The following AGBL4 variants were observed in gnomAD, a reference collection of about 807,000 sequenced individuals.
The protein encoded by AGBL4 is AGBL carboxypeptidase 4, also known as cytosolic carboxypeptidase 6.
In AGBL4, 58 loss-of-function variants were observed where a neutral mutation model predicts 66.4. That is an observed-to-expected ratio of 0.87 (90% CI 0.71 to 1.09). The LOEUF (loss-of-function observed/expected upper bound fraction) is 1.09. AGBL4 is among the 50% of genes least tolerant of loss of function. The pLI is 0.00. For synonymous variants in AGBL4, 234 were observed against 222.9 expected (o/e 1.05, Z -0.44); for missense variants, 579 against 631.0 (o/e 0.92, Z 0.88).
intron 6 of AGBL4, among the ~76,000 whole-genome samples, chr1:48,728,219 T>C (rs973103485): frequency 3.3e-5 from 5 of 152,218 alleles, no homozygotes; most frequent in African/African-American, 1.2e-4. Flanking sequence ...AGAGCAGATA[T>C]ACACTGTAAA....
intron 1 of AGBL4, among the ~76,000 whole-genome samples, chr1:49,853,006 A>G (rs977355313): frequency 6.6e-6 from 1 of 152,216 alleles, no homozygotes; most frequent in Non-Finnish European, 1.5e-5. Flanking sequence ...AGAGATATCC[A>G]TTTATAGTAA....
At chr1:49,283,519 G>C (rs907982124) in intron 3 of AGBL4, among the ~76,000 whole-genome samples, 24 of 152,364 alleles carry the variant, frequency 1.6e-4, no homozygotes, top group Admixed American at 1.4e-3. Context: ...GCTGGATGGA[G>C]AATGACTTTG....
intron 3 of AGBL4, among the ~76,000 whole-genome samples, chr1:49,407,050 G>C (rs1461674970): frequency 8.3e-6 from 1 of 119,792 alleles, no homozygotes; most frequent in African/African-American, 3.2e-5. Flanking sequence ...GGGCGACAGA[G>C]TGAGACTCTG....
chr1:48,523,605 G>T, the AGBL4 span, among the ~76,000 whole-genome samples: 1,539 of 152,268 alleles, frequency 0.01, 24 homozygotes, highest in African/African-American at 0.035. Context: ...ACTTAGAAAA[G>T]AATGAATTAA....
chr1:49,880,935 G>C (rs532362990), intron 1 of AGBL4, among the ~76,000 whole-genome samples: 6 of 152,180 alleles, frequency 3.9e-5, no homozygotes, highest in Admixed American at 6.5e-5. Flanking sequence ...AGGTGCGTCC[G>C]TCACCCCTTT....
chr1:49,269,775 G>T (rs1264536410), intron 3 of AGBL4, among the ~76,000 whole-genome samples: 1 of 152,204 alleles, frequency 6.6e-6, no homozygotes, highest in Non-Finnish European at 1.5e-5. Context: ...ATCCTTTTGT[G>T]ATTTTTCCTC....
intron 5 of AGBL4, among the ~76,000 whole-genome samples, chr1:48,960,202 A>T (rs995178088): frequency 6.6e-6 from 1 of 152,166 alleles, no homozygotes; most frequent in Non-Finnish European, 1.5e-5. Flanking sequence ...TCATAGAACC[A>T]ATAAGATATT....
chr1:49,519,508 A>G (rs1390185615), intron 3 of AGBL4, among the ~76,000 whole-genome samples: 1 of 152,098 alleles, frequency 6.6e-6, no homozygotes, highest in Admixed American at 6.5e-5. Flanking sequence ...AACAGAGGCC[A>G]AAACACATTA....
At chr1:49,536,723 G>A (rs549539409) in intron 3 of AGBL4, among the ~76,000 whole-genome samples, 1 of 152,224 alleles carries the variant, frequency 6.6e-6, no homozygotes, top group East Asian at 1.9e-4. Context: ...TAATGAAACA[G>A]AATAGAGAAC....
At chr1:48,805,293 G>A (rs1196411352) in intron 6 of AGBL4, among the ~76,000 whole-genome samples, 2 of 152,152 alleles carry the variant, frequency 1.3e-5, no homozygotes, top group East Asian at 3.8e-4. Context: ...CCATCAAAAG[G>A]AATATTTGGG....
intron 4 of AGBL4, among the ~76,000 whole-genome samples, chr1:49,057,445 T>C (rs1467014469): frequency 6.6e-6 from 1 of 152,070 alleles, no homozygotes; most frequent in African/African-American, 2.4e-5. Context: ...AAAAAAAGCT[T>C]AATTGGATCA....
chr1:49,773,638 G>T (rs529807915), intron 2 of AGBL4, among the ~76,000 whole-genome samples: 1 of 152,176 alleles, frequency 6.6e-6, no homozygotes, highest in African/African-American at 2.4e-5. Context: ...TGTTGGCCAG[G>T]CACATGGGGG....
intron 3 of AGBL4, among the ~76,000 whole-genome samples, chr1:49,552,728 T>C (rs1466140720): frequency 6.6e-6 from 1 of 152,200 alleles, no homozygotes; most frequent in Non-Finnish European, 1.5e-5. Context: ...TGCTGGTTTG[T>C]TCTTACAGTC....
At chr1:48,989,016 C>G (rs1432343309) in intron 5 of AGBL4, among the ~76,000 whole-genome samples, 1 of 152,138 alleles carries the variant, frequency 6.6e-6, no homozygotes, top group African/African-American at 2.4e-5. Context: ...GTTTAGAGAT[C>G]ATCTGCTCTG....
intron 3 of AGBL4, among the ~76,000 whole-genome samples, chr1:49,515,106 C>T (rs1649663598): frequency 6.6e-6 from 1 of 152,078 alleles, no homozygotes; most frequent in African/African-American, 2.4e-5. Flanking sequence ...AGGCAACCTA[C>T]AGAATGGGAG....
At chr1:49,982,559 A>G (rs1289530043) in intron 1 of AGBL4, among the ~76,000 whole-genome samples, 3 of 152,200 alleles carry the variant, frequency 2.0e-5, no homozygotes, top group Non-Finnish European at 4.4e-5. Flanking sequence ...TGGGGCAGAA[A>G]GGGGTGGGTC....
chr1:49,325,523 T>C (rs1645212823), intron 3 of AGBL4, among the ~76,000 whole-genome samples: 1 of 152,208 alleles, frequency 6.6e-6, no homozygotes, highest in South Asian at 2.1e-4. Context: ...TCAATATCCC[T>C]TTTCTTCATA....
chr1:49,480,068 T>C (rs933256534), intron 3 of AGBL4, among the ~76,000 whole-genome samples: 2 of 152,060 alleles, frequency 1.3e-5, no homozygotes, highest in Admixed American at 1.3e-4. Flanking sequence ...GTCTTTGCTC[T>C]TGTGAATAGT....
chr1:48,653,679 G>C (rs1017991107), intron 7 of AGBL4, among the ~76,000 whole-genome samples: 1 of 152,102 alleles, frequency 6.6e-6, no homozygotes, highest in African/African-American at 2.4e-5. Flanking sequence ...GAAGCCCATG[G>C]GCAGGAGGGA....
Sources: gnomAD v4.1 joint callset for allele counts (sites outside exome capture counted in the v4.1 genomes callset) on GRCh38, gnomAD v4.1.1 for gene constraint, MANE v1.5 for transcripts, NCBI Gene and HGNC (gene_info 2026-07-23, HGNC 2026-07-21) for gene names.